GOLM2: variants seen among roughly 807,000 people sequenced by gnomAD.
The protein encoded by GOLM2 is golgi membrane protein 2.
Under a neutral mutation model 55.9 loss-of-function variants are expected in GOLM2, and 26 were observed. The ratio of observed to expected loss-of-function variants is 0.47; its 90% confidence interval spans 0.34 to 0.65. The LOEUF (loss-of-function observed/expected upper bound fraction) is 0.65, where lower values mean the gene tolerates loss of function less well. Among genes scored for constraint, GOLM2 ranks in the 30% least tolerant of loss-of-function variants. GOLM2 has a pLI of 0.01. For missense variants in GOLM2, 486 were observed against 531.8 expected, an observed-to-expected ratio of 0.91 and a Z score of 0.85; for synonymous variants, 165 against 194.6, an observed-to-expected ratio of 0.85 and a Z score of 1.27.
intron 8 of GOLM2, among the ~76,000 whole-genome samples, chr15:44,388,139 G>A (rs1381224249): frequency 6.6e-6 from 1 of 151,392 alleles, no homozygotes; most frequent in Non-Finnish European, 1.5e-5. Context: ...AGCTGGGCTT[G>A]TTGGTGCATG....
chr15:44,330,493 A>G (rs2141138732), intron 3 of GOLM2, among the ~76,000 whole-genome samples: 1 of 149,044 alleles, frequency 6.7e-6, no homozygotes, highest in Middle Eastern at 3.4e-3. Flanking sequence ...AGCCAGGGTG[A>G]CAAGAGCGAA....
At chr15:44,332,822 T>A (rs1345873741) in intron 4 of GOLM2, among the ~76,000 whole-genome samples, 2 of 152,152 alleles carry the variant, frequency 1.3e-5, no homozygotes. Context: ...TCATACTTTT[T>A]TTGGGGGGGG....
intron 6 of GOLM2, among the ~76,000 whole-genome samples, chr15:44,363,768 C>T (rs1442898133): frequency 2.0e-5 from 3 of 151,062 alleles, no homozygotes; most frequent in African/African-American, 4.9e-5. Flanking sequence ...GCACTATTCA[C>T]AATAGCAAAG....
At chr15:44,330,437 T>C (rs1168190349) in intron 3 of GOLM2, among the ~76,000 whole-genome samples, 1 of 143,966 alleles carries the variant, frequency 6.9e-6, no homozygotes, top group Non-Finnish European at 1.5e-5. Context: ...TGCTTGAACC[T>C]GGGAGGCAGA....
chr15:44,366,521 C>G (rs1476039298), intron 6 of GOLM2, among the ~76,000 whole-genome samples: 2 of 152,070 alleles, frequency 1.3e-5, no homozygotes, highest in Non-Finnish European at 2.9e-5. Flanking sequence ...GTAGTCCCAG[C>G]TACTTGGGAG....
chr15:44,394,410 C>T (rs932533375), intron 8 of GOLM2, among the ~76,000 whole-genome samples: 3 of 152,138 alleles, frequency 2.0e-5, no homozygotes, highest in African/African-American at 4.8e-5. Context: ...GCCTTGGAAA[C>T]GGGGAGATGG....
intron 6 of GOLM2, among the ~76,000 whole-genome samples, chr15:44,366,238 A>G (rs928028410): frequency 1.4e-5 from 2 of 148,018 alleles, no homozygotes; most frequent in Non-Finnish European, 3.0e-5. Flanking sequence ...CGGAGCTTGC[A>G]GTGAGCAGAG....
intron 6 of GOLM2, among the ~76,000 whole-genome samples, chr15:44,356,232 T>A (rs115760263): frequency 6.6e-6 from 1 of 151,000 alleles, no homozygotes; most frequent in African/African-American, 2.4e-5. Context: ...AATAAAAAAT[T>A]AGAACAGAAG....
intron 1 of GOLM2, chr15:44,307,729 T>C (rs2078848742): frequency 6.6e-6 from 1 of 152,152 alleles, no homozygotes; most frequent in African/African-American, 2.4e-5. Flanking sequence ...CATGATTAAA[T>C]GCTATAGTAA....
intron 8 of GOLM2, among the ~76,000 whole-genome samples, chr15:44,396,571 A>C (rs928468874): frequency 5.3e-5 from 8 of 151,992 alleles, no homozygotes; most frequent in Non-Finnish European, 1.2e-4. Context: ...TTTCTCTACT[A>C]GTTTCTGAAG....
chr15:44,316,865 G>A (rs1595622652), intron 1 of GOLM2, among the ~76,000 whole-genome samples: 2 of 152,034 alleles, frequency 1.3e-5, no homozygotes, highest in Non-Finnish European at 2.9e-5. Context: ...CTGTGCCTGT[G>A]GTCCCAGCTA....
At chr15:44,339,306 G>A (rs1311551003) in intron 6 of GOLM2, among the ~76,000 whole-genome samples, 1 of 152,076 alleles carries the variant, frequency 6.6e-6, no homozygotes, top group African/African-American at 2.4e-5. Context: ...TTGTTTGTAA[G>A]ACAATGAAGT....
intron 6 of GOLM2, among the ~76,000 whole-genome samples, chr15:44,342,289 G>A (rs1444382495): frequency 6.6e-6 from 1 of 151,682 alleles, no homozygotes; most frequent in Non-Finnish European, 1.5e-5. Flanking sequence ...TTTTGGGACA[G>A]GGTCTTGCTC....
At chr15:44,378,696 A>T (rs957053678) in intron 6 of GOLM2, among the ~76,000 whole-genome samples, 2 of 152,162 alleles carry the variant, frequency 1.3e-5, no homozygotes, top group African/African-American at 4.8e-5. Context: ...TATTTGTGCT[A>T]TGCATATAAA....
chr15:44,380,709 T>A, intron 7 of GOLM2, 97 bp from the exon 8 acceptor site: 56 of 664,698 alleles, frequency 8.4e-5, no homozygotes, highest in Middle Eastern at 5.3e-4. Context: ...TGTTAAACAA[T>A]AGTGTGTCTT....
At chr15:44,406,483 T>C (rs2079598162) in intron 9 of GOLM2, 1 of 152,216 alleles carries the variant, frequency 6.6e-6, no homozygotes, top group African/African-American at 2.4e-5. Context: ...TGGGCCACAA[T>C]TTCTTCATCT....
chr15:44,316,207 A>T (rs548873194), intron 1 of GOLM2, among the ~76,000 whole-genome samples: 1 of 152,200 alleles, frequency 6.6e-6, no homozygotes, highest in Non-Finnish European at 1.5e-5. Flanking sequence ...GAAGATAAGC[A>T]TATTCCTAAT....
intron 6 of GOLM2, among the ~76,000 whole-genome samples, chr15:44,363,559 G>C (rs2079258951): frequency 6.6e-6 from 1 of 152,192 alleles, no homozygotes; most frequent in Non-Finnish European, 1.5e-5. Flanking sequence ...TGCTGGAGAG[G>C]ATGTGGAGAA....
chr15:44,319,078 A>G (rs1466476304), intron 1 of GOLM2, among the ~76,000 whole-genome samples: 2 of 152,116 alleles, frequency 1.3e-5, no homozygotes, highest in East Asian at 3.9e-4. Flanking sequence ...TCCTTCTATT[A>G]AGTTCGCCCA....
Sources: gnomAD v4.1 joint callset for allele counts (sites outside exome capture counted in the v4.1 genomes callset) on GRCh38, gnomAD v4.1.1 for gene constraint, MANE v1.5 for transcripts, NCBI Gene and HGNC (gene_info 2026-07-23, HGNC 2026-07-21) for gene names.